The following RPS6KA5 variants were observed in gnomAD, a reference collection of about 807,000 sequenced individuals.
The protein encoded by RPS6KA5 is ribosomal protein S6 kinase alpha-5.
RPS6KA5 carries 27 observed loss-of-function variants against 85.5 expected under a neutral mutation model. That is an observed-to-expected ratio of 0.32 (90% CI 0.23 to 0.44). The LOEUF (loss-of-function observed/expected upper bound fraction) is 0.44, where lower values mean the gene tolerates loss of function less well. RPS6KA5 is among the 20% of genes least tolerant of loss of function. RPS6KA5 has a pLI of 1.00. For missense variants in RPS6KA5, 811 were observed against 980.9 expected (o/e 0.83, Z 2.31); for synonymous variants, 334 against 348.2 (o/e 0.96, Z 0.46).
intron 12 of RPS6KA5, among the ~76,000 whole-genome samples, chr14:90,895,714 C>T (rs1464774289): frequency 1.3e-5 from 2 of 152,072 alleles, no homozygotes; most frequent in Non-Finnish European, 2.9e-5. Flanking sequence ...AGTGAGACCT[C>T]ATCTCTACAA....
chr14:91,029,804 T>C (rs1467902566), intron 1 of RPS6KA5, among the ~76,000 whole-genome samples: 1 of 152,202 alleles, frequency 6.6e-6, no homozygotes, highest in Non-Finnish European at 1.5e-5. Flanking sequence ...ATATAGTAAT[T>C]ATACAATATA....
At chr14:91,059,277 CTGCG>C (rs1187797876) in intron 1 of RPS6KA5, among the ~76,000 whole-genome samples, 1 of 147,552 alleles carries the variant, frequency 6.8e-6, no homozygotes, top group East Asian at 2.0e-4. Context: ...GAGGCGGAGG[CTGCG>C]GTGAGCCGAG....
intron 1 of RPS6KA5, among the ~76,000 whole-genome samples, chr14:91,045,088 T>G (rs935020145): frequency 1.3e-5 from 2 of 152,124 alleles, no homozygotes; most frequent in African/African-American, 2.4e-5. Flanking sequence ...GGATTTATAA[T>G]CTACTAAACT....
intron 4 of RPS6KA5, among the ~76,000 whole-genome samples, chr14:90,943,752 T>C (rs2037719107): frequency 6.6e-6 from 1 of 152,244 alleles, no homozygotes; most frequent in African/African-American, 2.4e-5. Flanking sequence ...ATGTATAAAA[T>C]AGGAAATTTA....
intron 5 of RPS6KA5, among the ~76,000 whole-genome samples, chr14:90,934,474 T>G (rs917356159): frequency 2.0e-5 from 3 of 152,212 alleles, no homozygotes; most frequent in African/African-American, 7.2e-5. Flanking sequence ...TCATTTTCCT[T>G]TCTTTCTTAG....
At chr14:91,018,500 C>T (rs889321197) in intron 1 of RPS6KA5, among the ~76,000 whole-genome samples, 10 of 152,236 alleles carry the variant, frequency 6.6e-5, no homozygotes, top group African/African-American at 2.4e-4. Context: ...CGGCTGCCAG[C>T]ATGGCTAGAA....
At chr14:90,932,280 T>C (rs1225481371) in intron 5 of RPS6KA5, among the ~76,000 whole-genome samples, 2 of 152,078 alleles carry the variant, frequency 1.3e-5, no homozygotes, top group Admixed American at 6.6e-5. Context: ...CGTGCCACCA[T>C]GCTCGGCTAA....
chr14:91,056,219 A>T (rs2043312025), intron 1 of RPS6KA5, among the ~76,000 whole-genome samples: 1 of 152,190 alleles, frequency 6.6e-6, no homozygotes, highest in African/African-American at 2.4e-5. Flanking sequence ...TCCTAATAAC[A>T]GGCATCTAAG....
Position 90,890,538 on chromosome 14 carries a change from A to G in RPS6KA5, c.1785T>C (p.Asn595=), listed in dbSNP as rs201623063. The G allele has an allele frequency of 1.2e-6, 2 of 1,614,188 alleles. No homozygotes were observed. The highest frequency in any genetic ancestry group is 4.5e-5 in the East Asian group (2 of 44,880). The change falls in exon 14 of 17, where the codon AAT becomes AAC. Residue 595 remains asparagine (N), a synonymous_variant. Coordinates refer to ENST00000614987, the MANE Select transcript of RPS6KA5 (RefSeq NM_004755.4). ...TLHYAAPELL[N]QNGYDESCDL... The stretch of plus-strand genomic sequence containing the variant: ...CACAGGACTCATCGTAGCCGTTCTG[A>G]TTCAAGAGCTCTGGGGCGGCATAAT...
At chr14:90,983,197 A>T (rs1335449673) in intron 2 of RPS6KA5, among the ~76,000 whole-genome samples, 8 of 151,690 alleles carry the variant, frequency 5.3e-5, no homozygotes, top group Non-Finnish European at 1.0e-4. Context: ...GAATCGCTTT[A>T]ACCCAGGAGG....
chr14:90,866,471 C>G lies in RPS6KA5; in HGVS notation c.*5603G>C, dbSNP rs2032808685. ...TGACAGAGTGAGACCCTGTCTCACA[C>G]AAAGGCAACTCATTTGAGCTGAGGC... On this transcript the variant is annotated 3_prime_UTR_variant, in exon 17 of 17. Coordinates refer to ENST00000614987, the MANE Select transcript of RPS6KA5 (RefSeq NM_004755.4). 1 of 152,080 alleles carries G rather than the reference C, an allele frequency of 6.6e-6. No individual in the cohort carries two copies. The highest frequency in any genetic ancestry group is 2.4e-5 in the African/African-American group (1 of 41,380). The allele number at this position is 152,080 out of a possible 1,614,324, so 9.4% of individuals were successfully genotyped here.
rs1555372455 is a variant in RPS6KA5, at chr14:90,983,811, C to CTCTG, written c.176-5288_176-5287insCAGA. Among the ~76,000 whole-genome samples the CTCTG allele has an allele frequency of 7.2e-4, 83 of 115,842 alleles. 1 individual carries two copies. The highest frequency in any genetic ancestry group is 2.4e-3 in the African/African-American group (69 of 29,052). The allele number at this position is 115,842 out of a possible 152,430, so 76.0% of individuals were successfully genotyped here. Reference sequence around the variant, plus strand: ...TTTCTCTCTCTCTCTCTCTCTCTCTCTCTCTGTCTCTCTCTCTCTCTCTCT... The same window carrying CTCTG: ...TTTCTCTCTCTCTCTCTCTCTCTCTCTCTGTCTCTGTCTCTCTCTCTCTCTCTCT... On this transcript the variant is annotated intron_variant, in intron 2 of 16. Coordinates refer to ENST00000614987, the MANE Select transcript of RPS6KA5 (RefSeq NM_004755.4).
At chr14:90,975,285 C>T (rs1438938941) in intron 3 of RPS6KA5, among the ~76,000 whole-genome samples, 1 of 152,130 alleles carries the variant, frequency 6.6e-6, no homozygotes, top group Non-Finnish European at 1.5e-5. Flanking sequence ...TAATACCTCA[C>T]AAAAAGCTGG....
At chr14:90,941,884 T>A (rs1286118) in intron 5 of RPS6KA5, among the ~76,000 whole-genome samples, 98,125 of 152,150 alleles carry the variant, frequency 0.64, 32,970 homozygotes, top group East Asian at 0.87. Flanking sequence ...GTAAACAGAT[T>A]TAATCTGCTA....
chr14:90,967,314 A>G (rs1380061600), intron 3 of RPS6KA5, among the ~76,000 whole-genome samples: 1 of 152,204 alleles, frequency 6.6e-6, no homozygotes, highest in Non-Finnish European at 1.5e-5. Context: ...ATTAATATAA[A>G]TAATTCTAAC....
At chr14:90,972,849 T>C (rs1169246539) in intron 3 of RPS6KA5, among the ~76,000 whole-genome samples, 1 of 152,182 alleles carries the variant, frequency 6.6e-6, no homozygotes, top group Non-Finnish European at 1.5e-5. Context: ...CCAGAAATGA[T>C]TAATTACTTT....
At chr14:91,026,532 C>G (rs2041997312) in intron 1 of RPS6KA5, among the ~76,000 whole-genome samples, 1 of 152,140 alleles carries the variant, frequency 6.6e-6, no homozygotes, top group Non-Finnish European at 1.5e-5. Flanking sequence ...GCCCAACATA[C>G]GTACATTTTC....
At chr14:90,930,828 A>C (rs1249785093) in intron 5 of RPS6KA5, among the ~76,000 whole-genome samples, 1 of 152,232 alleles carries the variant, frequency 6.6e-6, no homozygotes, top group African/African-American at 2.4e-5. Flanking sequence ...TCAGAATTAC[A>C]ATGAGATTTC....
chr14:90,943,142 A>T lies in RPS6KA5; in HGVS notation c.554T>A (p.Leu185His). ...CAGCACCACATGGCCATTAGAATCA[A>T]GTAGAATATTCTCAAGCTTAATATC... ...YRDIKLENILLDSNGHVVLTD... is the reference protein window; with the variant it reads ...YRDIKLENILHDSNGHVVLTD... Residue 185 changes from leucine to histidine, a missense_variant, in exon 5 of 17, where the codon CTT (leucine) becomes CAT (histidine). By Grantham distance (99) the Leu-to-His change is moderately conservative (BLOSUM62 -3). Transcript: ENST00000614987. 2 of 1,612,466 alleles carry T rather than the reference A, an allele frequency of 1.2e-6. No individual in the cohort carries two copies. Among genetic ancestry groups the T allele is most frequent in the Non-Finnish European group, 1.7e-6 (2 of 1,178,698 alleles).
Sources: gnomAD v4.1 joint callset for allele counts (sites outside exome capture counted in the v4.1 genomes callset) on GRCh38, gnomAD v4.1.1 for gene constraint, MANE v1.5 for transcripts, NCBI Gene and HGNC (gene_info 2026-07-23, HGNC 2026-07-21) for gene names.